Variants in IL36B observed in about 807,000 individuals in gnomAD.
IL36B encodes the protein interleukin 36 beta, also known as interleukin-36 beta.
In IL36B, 23 loss-of-function variants were observed where a neutral mutation model predicts 19.3. The ratio of observed to expected loss-of-function variants is 1.19; its 90% CI spans 0.86 to 1.69. The LOEUF (loss-of-function observed/expected upper bound fraction) is 1.69. Ranked by LOEUF, IL36B falls within the 40% of genes most tolerant of loss-of-function variation. The probability of loss-of-function intolerance (pLI) is 0.00; values close to 1 mark genes in which losing one functional copy is unlikely to be tolerated. For missense variants in IL36B, 217 were observed against 200.5 expected (o/e 1.08, Z -0.50); for synonymous variants, 59 against 59.7 (o/e 0.99, Z 0.05).
At chr2:113,026,482 A>C (rs1169204924) in intron 4 of IL36B, among the ~76,000 whole-genome samples, 1 of 152,216 alleles carries the variant, frequency 6.6e-6, no homozygotes, top group Non-Finnish European at 1.5e-5. Flanking sequence ...TGCAAGACCC[A>C]ATATGCCTGC....
rs558728492 is a variant in IL36B, at chr2:113,047,440, C to T, written c.-58+5377G>A. ...ATTTTGAATTTTGAGACTAGGGAGG[C>T]TCAACTTGTACTATGAATATTCTTG... On this transcript the variant is annotated intron_variant, in intron 1 of 5. Coordinates refer to ENST00000259213, the MANE Select transcript of IL36B (RefSeq NM_014438.5). Among the ~76,000 whole-genome samples the T allele has an allele frequency of 6.6e-5, 10 of 152,294 alleles. No homozygotes were observed. The East Asian group carries it at 1.9e-3, about 29-fold the overall frequency.
In IL36B at chr2:113,046,278, C is replaced by G. The variant is rs188928955; in HGVS notation, c.-58+6539G>C. Among the ~76,000 whole-genome samples, 15 of 150,506 alleles carry G rather than the reference C, an allele frequency of 1.0e-4. No individual in the cohort carries two copies. In the East Asian group the frequency reaches 2.7e-3, roughly 27 times the overall value. ...AGGCTGGAGTGCAGTGGCACCATCTCGGCTTACTGCAAGCTCCACCTCCCG... is the reference window on the plus strand; with the variant it reads ...AGGCTGGAGTGCAGTGGCACCATCTGGGCTTACTGCAAGCTCCACCTCCCG... On this transcript the variant is annotated intron_variant, in intron 1 of 5. Coordinates refer to ENST00000259213, the MANE Select transcript of IL36B (RefSeq NM_014438.5).
At chr2:113,050,203 C>T (rs1290680805) in intron 1 of IL36B, among the ~76,000 whole-genome samples, 1 of 152,140 alleles carries the variant, frequency 6.6e-6, no homozygotes, top group South Asian at 2.1e-4. Flanking sequence ...GTGATGGCAA[C>T]CCAAGTGTCC....
intron 1 of IL36B, among the ~76,000 whole-genome samples, chr2:113,046,637 G>A (rs560917226): frequency 2.6e-5 from 4 of 152,096 alleles, no homozygotes; most frequent in African/African-American, 9.6e-5. Flanking sequence ...TGTTAATGAC[G>A]GTTTTGAGGA....
chr2:113,025,540 A>G (rs1684943027), intron 5 of IL36B, among the ~76,000 whole-genome samples: 1 of 152,216 alleles, frequency 6.6e-6, no homozygotes, highest in East Asian at 1.9e-4. Context: ...TGACGAGAAG[A>G]GAGCAAATGG....
intron 5 of IL36B, among the ~76,000 whole-genome samples, chr2:113,025,160 T>C (rs1684934071): frequency 6.6e-6 from 1 of 152,170 alleles, no homozygotes; most frequent in Non-Finnish European, 1.5e-5. Context: ...TCTGCAGCCA[T>C]CTCCTCCCGA....
intron 1 of IL36B, among the ~76,000 whole-genome samples, chr2:113,051,268 A>T (rs1204499166): frequency 6.6e-6 from 1 of 152,218 alleles, no homozygotes; most frequent in Non-Finnish European, 1.5e-5. Flanking sequence ...AGTCCGGCGG[A>T]GGCGAGTCCG....
In IL36B at chr2:113,027,176, A is replaced by C. The variant is rs530315455; in HGVS notation, c.262-944T>G. Among the ~76,000 whole-genome samples the C allele has an allele frequency of 1.2e-4, 18 of 149,274 alleles. No individual in the cohort carries two copies. In the South Asian group the frequency reaches 3.5e-3, roughly 29 times the overall value. The stretch of plus-strand genomic sequence containing the variant: ...ATTCATTAAGTGGGAGTGGATCATC[A>C]TAACAATCTATCCTCATTATCTTCA... On this transcript the variant is annotated intron_variant, in intron 4 of 5. Transcript: ENST00000259213.
At chr2:113,027,437 G>A (rs1684984113) in intron 4 of IL36B, 1 of 1,002,372 alleles carries the variant, frequency 1.0e-6, no homozygotes, top group African/African-American at 1.7e-5. Context: ...AATTCATTAG[G>A]ATTAGAAAGA....
intron 1 of IL36B, among the ~76,000 whole-genome samples, chr2:113,045,022 T>A (rs1685325635): frequency 6.6e-6 from 1 of 152,194 alleles, no homozygotes; most frequent in South Asian, 2.1e-4. Flanking sequence ...TATGTTATAA[T>A]CCTAATGATA....
At chr2:113,043,610 G>A (rs1024002470) in intron 1 of IL36B, among the ~76,000 whole-genome samples, 4 of 152,114 alleles carry the variant, frequency 2.6e-5, no homozygotes, top group African/African-American at 9.7e-5. Flanking sequence ...CGCCCAGGCT[G>A]GAGTGCATGG....
At chr2:113,049,350 T>C (rs1685401994) in intron 1 of IL36B, among the ~76,000 whole-genome samples, 1 of 152,166 alleles carries the variant, frequency 6.6e-6, no homozygotes, top group African/African-American at 2.4e-5. Flanking sequence ...TAATAGTATG[T>C]TAAGGTAACT....
At chr2:113,025,929 T>G (rs2105039452) in intron 5 of IL36B, among the ~76,000 whole-genome samples, 1 of 152,228 alleles carries the variant, frequency 6.6e-6, no homozygotes. Context: ...GAGAAGGGAC[T>G]GGGGAAATTG....
At chr2:113,022,822 C>T (rs1470656872) in intron 5 of IL36B, 9 of 1,318,664 alleles carry the variant, frequency 6.8e-6, no homozygotes, top group Non-Finnish European at 9.8e-6. Context: ...AAGATGTGGA[C>T]ATTTGCTAAA....
intron 4 of IL36B, among the ~76,000 whole-genome samples, chr2:113,027,114 A>G (rs561122204): frequency 6.6e-6 from 1 of 152,376 alleles, no homozygotes; most frequent in East Asian, 1.9e-4. Flanking sequence ...AGAAAATACT[A>G]TTAAGAAACT....
At chr2:113,038,561 G>A (rs1685197371) in intron 1 of IL36B, among the ~76,000 whole-genome samples, 1 of 152,236 alleles carries the variant, frequency 6.6e-6, no homozygotes, top group South Asian at 2.1e-4. Flanking sequence ...CACTGTGGTA[G>A]TTTGTGCAGA....
At chr2:113,052,710 T>C (rs1289219931) in intron 1 of IL36B, 107 bp downstream of exon 1, 2 of 152,260 alleles carry the variant, frequency 1.3e-5, no homozygotes, top group East Asian at 1.9e-4. Flanking sequence ...TCTCTCTGCG[T>C]TGGGAAAGCC....
At chr2:113,044,733 T>C (rs933795785) in intron 1 of IL36B, among the ~76,000 whole-genome samples, 7 of 152,198 alleles carry the variant, frequency 4.6e-5, no homozygotes, top group African/African-American at 1.7e-4. Flanking sequence ...TGTGGTTAGG[T>C]TCAAGTCTAC....
Position 113,030,097 on chromosome 2 carries a change from G to T in IL36B, c.121+951C>A, listed in dbSNP as rs34345657. Among the ~76,000 whole-genome samples the T allele has an allele frequency of 7.8e-3, 1,193 of 152,228 alleles. 19 individuals are homozygous for T. Among genetic ancestry groups the T allele is most frequent in the African/African-American group, 0.027 (1,137 of 41,530 alleles). Reference sequence around the variant, plus strand: ...AATACAAAAATTAGCTAGGCACAGTGGTGGGCACCTGTAATCCCAGCTACT... The same window carrying T: ...AATACAAAAATTAGCTAGGCACAGTTGTGGGCACCTGTAATCCCAGCTACT... On this transcript the variant is annotated intron_variant, in intron 3 of 5. Transcript: ENST00000259213.
Sources: gnomAD v4.1 joint callset for allele counts (sites outside exome capture counted in the v4.1 genomes callset) on GRCh38, gnomAD v4.1.1 for gene constraint, MANE v1.5 for transcripts, NCBI Gene and HGNC (gene_info 2026-07-23, HGNC 2026-07-21) for gene names.